The following ACSM3 variants were observed in gnomAD, a reference collection of about 807,000 sequenced individuals.
ACSM3 encodes the protein acyl-coenzyme A synthetase ACSM3, mitochondrial.
ACSM3 carries 61 observed loss-of-function variants against 74.1 expected under a neutral mutation model. The observed-to-expected ratio is 0.82, with a 90% CI of 0.67 to 1.02. The LOEUF (loss-of-function observed/expected upper bound fraction) is 1.02. Among genes scored for constraint, ACSM3 ranks in the 50% least tolerant of loss-of-function variants. The pLI is 0.00. For missense variants in ACSM3, 660 were observed against 697.0 expected, an observed-to-expected ratio of 0.95 and a Z score of 0.60; for synonymous variants, 213 against 241.5, an observed-to-expected ratio of 0.88 and a Z score of 1.09.
chr16:20,788,162 A>G (rs562182298), intron 9 of ACSM3, among the ~76,000 whole-genome samples: 22 of 152,110 alleles, frequency 1.4e-4, no homozygotes, highest in Non-Finnish European at 3.1e-4. Context: ...AAAAAATGGT[A>G]GGAGAGCCCA....
intron 1 of ACSM3, chr16:20,727,417 G>A (rs1320655100): frequency 1.1e-5 from 6 of 545,480 alleles, no homozygotes; most frequent in East Asian, 5.5e-5. Flanking sequence ...GAGCAGTGGA[G>A]GGCACAAACT....
intron 1 of ACSM3, chr16:20,736,841 C>A (rs998554517): frequency 1.3e-6 from 2 of 1,595,252 alleles, no homozygotes; most frequent in African/African-American, 1.3e-5. Flanking sequence ...TCTCGTAGAG[C>A]CCCAGGTGAG....
At position 20,781,786 on chromosome 16, in the gene ACSM3, A is replaced by T. The variant is rs377065310; in HGVS notation, c.1018A>T (p.Ser340Cys). 6.2e-7 allele frequency: 1 copy of T among 1,603,764 alleles called. No individual in the cohort carries two copies. Among genetic ancestry groups the T allele is most frequent in the Non-Finnish European group, 8.5e-7 (1 of 1,170,818 alleles). Reference protein sequence around the residue: ...YRMLVQNDITSYKFKSLKHCV... With the variant: ...YRMLVQNDITCYKFKSLKHCV... ...AATGCTTGTACAGAATGATATAACCAGGTAAGAAATGTTAGTAAATAGGCA... is the reference window on the plus strand; with the variant it reads ...AATGCTTGTACAGAATGATATAACCTGGTAAGAAATGTTAGTAAATAGGCA... Residue 340 changes from serine (S) to cysteine (C), a missense_variant and splice_region_variant, in exon 7 of 14, where the codon AGC (serine) becomes TGC (cysteine). Ser to Cys is a moderately radical substitution (Grantham distance 112). Coordinates refer to ENST00000289416, the MANE Select transcript of ACSM3 (RefSeq NM_005622.4).
At position 20,781,762 on chromosome 16, in the gene ACSM3, A is replaced by G. The variant is rs192560104; in HGVS notation, c.994A>G (p.Met332Val). Residue 332 changes from methionine (M) to valine (V), a missense_variant, in exon 7 of 14, where the codon ATG becomes GTG. Coordinates refer to ENST00000289416, the MANE Select transcript of ACSM3 (RefSeq NM_005622.4). ...CTGTTCAGCACCAACTGTATACCGA[A>G]TGCTTGTACAGAATGATATAACCAG... Reference protein sequence around the residue: ...VFCSAPTVYRMLVQNDITSYK... With the variant: ...VFCSAPTVYRVLVQNDITSYK... The G allele has an allele frequency of 1.6e-4, 260 of 1,612,102 alleles. 2 individuals are homozygous for G. The East Asian group carries it at 4.4e-3, about 27-fold the overall frequency.
chr16:20,757,364 T>G (rs2152439361), intron 3 of ACSM3, among the ~76,000 whole-genome samples: 1 of 151,254 alleles, frequency 6.6e-6, no homozygotes, highest in South Asian at 2.1e-4. Flanking sequence ...CCTTGTAAGT[T>G]GGATTCCTAA....
At chr16:20,780,047 G>A (rs2080319749) in intron 4 of ACSM3, 1 of 155,938 alleles carries the variant, frequency 6.4e-6, no homozygotes, top group Non-Finnish European at 1.4e-5. Context: ...TTACAGGCGT[G>A]AGCCACCATG....
At chr16:20,758,418 G>C (rs1375647624) in intron 3 of ACSM3, among the ~76,000 whole-genome samples, 3 of 152,116 alleles carry the variant, frequency 2.0e-5, no homozygotes, top group Non-Finnish European at 1.5e-5. Context: ...TAGTTTATTT[G>C]CGTAGAGGTG....
chr16:20,691,261 G>T, intron 1 of ACSM3: 1 of 1,278,466 alleles, frequency 7.8e-7, no homozygotes, highest in Non-Finnish European at 1.1e-6. Flanking sequence ...ATGGCTAATA[G>T]ATTGGCTGTG....
intron 13 of ACSM3, 103 bp from the exon 14 acceptor site, chr16:20,796,783 T>C: frequency 1.9e-6 from 3 of 1,555,988 alleles, no homozygotes; most frequent in Non-Finnish European, 8.6e-7. Flanking sequence ...CCAAAGACTA[T>C]TCTAATTCTT....
intron 1 of ACSM3, chr16:20,738,982 C>T (rs1362931134): frequency 6.2e-7 from 1 of 1,614,212 alleles, no homozygotes; most frequent in East Asian, 2.2e-5. Context: ...CTGTAGATGC[C>T]TTAATGTCAC....
At chr16:20,738,748 C>CA in intron 1 of ACSM3, 3 of 882,620 alleles carry the variant, frequency 3.4e-6, no homozygotes, top group Admixed American at 4.8e-5. Flanking sequence ...TACCTCTCCA[C>CA]AGGCCAACTG....
intron 1 of ACSM3, chr16:20,741,475 C>T: frequency 2.1e-6 from 3 of 1,412,890 alleles, no homozygotes; most frequent in Non-Finnish European, 2.8e-6. Context: ...CAAGGCCTGG[C>T]AGCCGGCCCG....
At chr16:20,769,724 A>G (rs868194269) in intron 1 of ACSM3, among the ~76,000 whole-genome samples, 38 of 152,200 alleles carry the variant, frequency 2.5e-4, no homozygotes, top group African/African-American at 7.0e-4. Flanking sequence ...TCTGGGTTCA[A>G]ATCCAGCCAA....
intron 6 of ACSM3, 103 bp from the exon 7 acceptor site, chr16:20,781,605 C>T (rs2080354115): frequency 1.1e-6 from 1 of 897,300 alleles, no homozygotes; most frequent in Admixed American, 1.9e-5. Flanking sequence ...AATGTATTTA[C>T]ATTAACATAA....
chr16:20,757,038 C>T (rs1397788667), intron 3 of ACSM3, among the ~76,000 whole-genome samples: 1 of 151,142 alleles, frequency 6.6e-6, no homozygotes. Context: ...GTTACTGTAG[C>T]CTTGTAGTAT....
chr16:20,756,723 G>A (rs1469927769), intron 3 of ACSM3, among the ~76,000 whole-genome samples: 2 of 152,160 alleles, frequency 1.3e-5, no homozygotes, highest in Non-Finnish European at 2.9e-5. Context: ...CCTATGTCCT[G>A]AATGGTAATG....
chr16:20,787,910 G>A (rs1336320872), intron 9 of ACSM3, among the ~76,000 whole-genome samples: 3 of 152,164 alleles, frequency 2.0e-5, no homozygotes, highest in African/African-American at 7.2e-5. Flanking sequence ...ACCACCCCCC[G>A]ACAACCCCTC....
chr16:20,707,008 A>G (rs1439806373), intron 1 of ACSM3, among the ~76,000 whole-genome samples: 1 of 152,120 alleles, frequency 6.6e-6, no homozygotes, highest in African/African-American at 2.4e-5. Flanking sequence ...AGACTTGCCC[A>G]TCTATGCCAC....
chr16:20,711,985 C>A (rs1178638290), intron 1 of ACSM3, among the ~76,000 whole-genome samples: 1 of 152,092 alleles, frequency 6.6e-6, no homozygotes, highest in Non-Finnish European at 1.5e-5. Context: ...ATCTCAGGGC[C>A]TTTGCACCTG....
Sources: allele counts gnomAD v4.1 joint callset (sites outside exome capture counted in the v4.1 genomes callset), GRCh38; gene constraint gnomAD v4.1.1; transcripts MANE v1.5; gene names NCBI Gene and HGNC (gene_info 2026-07-23, HGNC 2026-07-21).